AFAP1L2: variants seen among roughly 807,000 people sequenced by gnomAD.
The protein encoded by AFAP1L2 is actin filament associated protein 1 like 2.
In AFAP1L2, 46 loss-of-function variants were observed where a neutral mutation model predicts 99.3. That is an observed-to-expected ratio of 0.46 (90% CI 0.37 to 0.59). The LOEUF is 0.59. Ranked by LOEUF, AFAP1L2 falls within the 20% of genes least tolerant of loss-of-function variation. AFAP1L2 has a pLI of 0.00. For synonymous variants in AFAP1L2, 397 were observed against 419.1 expected (o/e 0.95, Z 0.64); for missense variants, 959 against 1,034.9 (o/e 0.93, Z 1.01).
At chr10:114,380,059 C>T (rs559305697) in intron 1 of AFAP1L2, among the ~76,000 whole-genome samples, 2 of 152,210 alleles carry the variant, frequency 1.3e-5, no homozygotes, top group African/African-American at 2.4e-5. Flanking sequence ...AGAATATAGC[C>T]AAAGTCAAAC....
At chr10:114,291,091 C>A (rs982442401), downstream of AFAP1L2, 12 of 1,089,658 alleles carry the variant, frequency 1.1e-5, no homozygotes, top group Non-Finnish European at 1.6e-5. Context: ...TCTAATCTGG[C>A]ATCTTCTGCT....
chr10:114,357,439 G>A (rs1419626722), intron 1 of AFAP1L2, among the ~76,000 whole-genome samples: 1 of 152,124 alleles, frequency 6.6e-6, no homozygotes, highest in Admixed American at 6.5e-5. Context: ...AAGGCCCCAA[G>A]GTGTGGTCAG....
chr10:114,403,571 G>A (rs530012366), intron 1 of AFAP1L2, among the ~76,000 whole-genome samples: 1 of 152,222 alleles, frequency 6.6e-6, no homozygotes, highest in Non-Finnish European at 1.5e-5. Flanking sequence ...GATGGGGGAG[G>A]GGGGAGCGCC....
At chr10:114,382,588 C>CTT (rs1554956154) in intron 1 of AFAP1L2, among the ~76,000 whole-genome samples, 1 of 93,290 alleles carries the variant, frequency 1.1e-5, no homozygotes, top group African/African-American at 4.1e-5. Context: ...TATTTCTTCT[C>CTT]TTTTTTTTTT....
chr10:114,293,715 C>T (rs558623610), downstream of AFAP1L2, among the ~76,000 whole-genome samples: 149 of 152,236 alleles, frequency 9.8e-4, 2 homozygotes, highest in Admixed American at 5.4e-3. Context: ...TTTCTCTGAA[C>T]GATCCTGATT....
At chr10:114,318,983 G>A (rs1274648863) in intron 5 of AFAP1L2, among the ~76,000 whole-genome samples, 3 of 151,126 alleles carry the variant, frequency 2.0e-5, no homozygotes, top group African/African-American at 4.9e-5. Flanking sequence ...ACAAAACCCC[G>A]TTTCTACTAA....
At chr10:114,369,238 A>T (rs1419630218) in intron 1 of AFAP1L2, among the ~76,000 whole-genome samples, 1 of 152,158 alleles carries the variant, frequency 6.6e-6, no homozygotes, top group Non-Finnish European at 1.5e-5. Context: ...GGTGGGAAAC[A>T]TTGAAGCCAG....
chr10:114,315,869 C>T (rs2134781579), intron 5 of AFAP1L2, 104 bp from the exon 6 acceptor site: 4 of 1,114,804 alleles, frequency 3.6e-6, no homozygotes, highest in Middle Eastern at 5.8e-4. Flanking sequence ...AGCCAGACCA[C>T]AGCCCCCGAC....
downstream of AFAP1L2, among the ~76,000 whole-genome samples, chr10:114,291,005 C>T (rs562326548): frequency 6.6e-6 from 1 of 152,188 alleles, no homozygotes; most frequent in African/African-American, 2.4e-5. Flanking sequence ...CAGTCGGAGC[C>T]TTGGTTTTTT....
chr10:114,296,920 G>A (rs140565006), intron 18 of AFAP1L2, 58 bp downstream of exon 18: 15 of 1,612,790 alleles, frequency 9.3e-6, no homozygotes, highest in African/African-American at 1.3e-5. Context: ...CAGAAGATGG[G>A]CCCCTACCTT....
the AFAP1L2 span, among the ~76,000 whole-genome samples, chr10:114,287,324 G>T: frequency 6.6e-6 from 1 of 152,120 alleles, no homozygotes; most frequent in African/African-American, 2.4e-5. Context: ...AGGACTACAG[G>T]TGCACACCAC....
intron 10 of AFAP1L2, among the ~76,000 whole-genome samples, chr10:114,307,199 C>T (rs1026130333): frequency 6.6e-6 from 1 of 152,102 alleles, no homozygotes. Flanking sequence ...ACCCTCTGCA[C>T]CAGTACAGGG....
intron 6 of AFAP1L2, among the ~76,000 whole-genome samples, chr10:114,314,761 T>TCCTTGCTGGGTCTGGTC (rs71473038): frequency 0.62 from 94,182 of 151,882 alleles, 34,806 homozygotes; most frequent in East Asian, 0.89. Context: ...AATGTCTGGT[T>TCCTTGCTGGGTCTGGTC]CCTTGCTGGG....
chr10:114,367,808 C>T (rs549554757), intron 1 of AFAP1L2, among the ~76,000 whole-genome samples: 7 of 152,344 alleles, frequency 4.6e-5, no homozygotes, highest in Non-Finnish European at 8.8e-5. Context: ...TCAACAGCAG[C>T]CGCTGATGGC....
rs58243775 is a variant in AFAP1L2, at chr10:114,318,748, G to GAA, written c.407-2985_407-2984dup. On this transcript the variant is annotated intron_variant, in intron 5 of 18. Transcript: ENST00000304129. ...AGGGTGAGACTCTGTCTAAAAAAAA[G>GAA]AAAAAAAAAAGAACAACAAATCATA... Among the ~76,000 whole-genome samples the GAA allele has an allele frequency of 1.2e-3, 148 of 118,678 alleles. 1 individual carries two copies. Among genetic ancestry groups the GAA allele is most frequent in the East Asian group, 4.7e-3 (19 of 4,042 alleles). The allele number at this position is 118,678 out of a possible 152,430, so 77.9% of individuals were successfully genotyped here. A position where few individuals can be genotyped will look rare whatever the true frequency, so the allele number is the denominator to read the frequency against.
At chr10:114,403,204 C>T (rs1362517965) in intron 1 of AFAP1L2, among the ~76,000 whole-genome samples, 1 of 152,234 alleles carries the variant, frequency 6.6e-6, no homozygotes, top group African/African-American at 2.4e-5. Flanking sequence ...AACCCTGTCC[C>T]CCACGCCGGC....
At chr10:114,324,531 G>T (rs148003493) in intron 4 of AFAP1L2, among the ~76,000 whole-genome samples, 15 of 152,352 alleles carry the variant, frequency 9.8e-5, no homozygotes, top group Admixed American at 9.8e-4. Context: ...GATTACAGGC[G>T]CAAGCCACCA....
chr10:114,386,047 G>A (rs369115250), intron 1 of AFAP1L2, among the ~76,000 whole-genome samples: 2 of 152,088 alleles, frequency 1.3e-5, no homozygotes, highest in African/African-American at 2.4e-5. Flanking sequence ...CAGCCAGGCC[G>A]AGACTCGGCT....
At chr10:114,401,385 A>G (rs1181334171) in intron 1 of AFAP1L2, among the ~76,000 whole-genome samples, 2 of 152,212 alleles carry the variant, frequency 1.3e-5, no homozygotes, top group Non-Finnish European at 2.9e-5. Context: ...AGTTCAGCCA[A>G]TGGGCTCATG....
Sources: gnomAD v4.1 joint callset for allele counts (sites outside exome capture counted in the v4.1 genomes callset) on GRCh38, gnomAD v4.1.1 for gene constraint, MANE v1.5 for transcripts, NCBI Gene and HGNC (gene_info 2026-07-23, HGNC 2026-07-21) for gene names.